Variants in GRIN1 observed in about 807,000 individuals in gnomAD.
The protein encoded by GRIN1 is glutamate ionotropic receptor NMDA type subunit 1.
Under a neutral mutation model 103.0 loss-of-function variants are expected in GRIN1, and 38 were observed. The observed-to-expected ratio is 0.37, with a 90% CI of 0.28 to 0.48. GRIN1 has a LOEUF of 0.48. Among genes scored for constraint, GRIN1 ranks in the 20% least tolerant of loss-of-function variants. GRIN1 has a pLI of 0.98. For synonymous variants in GRIN1, 544 were observed against 532.7 expected (o/e 1.02, Z -0.29); for missense variants, 577 against 1,288.9 (o/e 0.45, Z 8.46).
intron 4 of GRIN1, among the ~76,000 whole-genome samples, chr9:137,153,169 C>T (rs770762658): frequency 6.6e-6 from 1 of 151,914 alleles, no homozygotes; most frequent in Admixed American, 6.6e-5. Context: ...TCATAGATCT[C>T]TACCCACACA....
At position 137,146,015 on chromosome 9, in the gene GRIN1, C is replaced by T. The variant is rs1832510078; in HGVS notation, c.570+113C>T. On this transcript the variant is annotated intron_variant, in intron 3 of 19. Coordinates refer to ENST00000371561, the MANE Select transcript of GRIN1 (RefSeq NM_007327.4). The surrounding 1 kb of genome is among the most constrained non-coding windows in gnomAD (Gnocchi z 6.7). ...TCTTCTTTCCATCGTGCATGGTCAG[C>T]ACCACCACGTCTGGCGAGCGCCCGC... 1.3e-6 allele frequency: 1 copy of T among 790,154 alleles called. No homozygotes were observed. The highest frequency in any genetic ancestry group is 2.3e-5 in the Admixed American group (1 of 44,162). 48.9% of individuals were successfully genotyped at this position (790,154 alleles called of 1,614,324 possible).
At chr9:137,152,299 A>G (rs553324504) in intron 4 of GRIN1, among the ~76,000 whole-genome samples, 19 of 152,344 alleles carry the variant, frequency 1.2e-4, no homozygotes, top group Admixed American at 8.5e-4. Flanking sequence ...ATGGGATAAA[A>G]GGATGGATGG....
intron 4 of GRIN1, 62 bp downstream of exon 4, chr9:137,149,171 A>G: frequency 8.9e-7 from 1 of 1,127,084 alleles, no homozygotes; most frequent in Non-Finnish European, 1.3e-6. Flanking sequence ...AGTACCCGCC[A>G]TCTGAGCCAG....
chr9:137,163,553 C>G lies in GRIN1; in HGVS notation c.2334-6C>G. The stretch of plus-strand genomic sequence containing the variant: ...TCACTGCAGGCTCACTTGTTCCCAC[C>G]GCCAGGTCCCACGAGAATGGCTTCA... On this transcript the variant is annotated splice_polypyrimidine_tract_variant and splice_region_variant and intron_variant, in intron 16 of 19. Coordinates refer to ENST00000371561, the MANE Select transcript of GRIN1 (RefSeq NM_007327.4). The G allele has an allele frequency of 1.9e-6, 3 of 1,601,156 alleles. No individual in the cohort carries two copies. The highest frequency in any genetic ancestry group is 1.3e-5 in the African/African-American group (1 of 74,824).
intron 4 of GRIN1, among the ~76,000 whole-genome samples, chr9:137,151,337 C>T (rs919948917): frequency 3.3e-5 from 5 of 150,004 alleles, no homozygotes; most frequent in Non-Finnish European, 5.9e-5. Flanking sequence ...GGGAAAGCTC[C>T]GCCCAGGGAA....
At chr9:137,158,778 A>G in intron 8 of GRIN1, 74 bp downstream of exon 8, 1 of 1,145,264 alleles carries the variant, frequency 8.7e-7, no homozygotes, top group Non-Finnish European at 1.3e-6. Flanking sequence ...CTGAAGGAGG[A>G]GGGTGCGGTG....
rs376580552 is a variant in GRIN1 at position 137,145,706 on chromosome 9, C to A, written c.394-20C>A. On this transcript the variant is annotated intron_variant, in intron 2 of 19. Transcript: ENST00000371561. ...TCCCCGCGGGTCCACCTCAGCCCGC[C>A]GTGCCCCCGCCTCCCGCAGAGCATC... 7 of 1,608,510 alleles carry A rather than the reference C, an allele frequency of 4.4e-6. No individual in the cohort carries two copies. The African/African-American group carries it at 8.0e-5, about 18-fold the overall frequency.
At chr9:137,153,292 TACAC>T (rs1442357404) in intron 4 of GRIN1, among the ~76,000 whole-genome samples, 1 of 147,404 alleles carries the variant, frequency 6.8e-6, no homozygotes, top group Admixed American at 6.8e-5. Context: ...CAAATGTATG[TACAC>T]ACACCATAGT....
At chr9:137,149,218 C>T in intron 4 of GRIN1, 109 bp downstream of exon 4, 3 of 799,108 alleles carry the variant, frequency 3.8e-6, no homozygotes, top group Non-Finnish European at 4.3e-6. Flanking sequence ...CCTTCAGCTT[C>T]CAAAGCACCT....
Position 137,161,339 on chromosome 9 carries a change from A to G in GRIN1, c.1390A>G (p.Ile464Val). ...CCYGFCIDLL[I>V]KLARTMNFTY... is the part of the protein sequence containing the mutation. ...CTACGGCTTTTGCATCGACCTGCTC[A>G]TCAAGCTGGCACGGACCATGAACTT... Residue 464 changes from isoleucine (I) to valine (V), a missense_variant, in exon 10 of 20, where the codon ATC becomes GTC. Coordinates refer to ENST00000371561, the MANE Select transcript of GRIN1 (RefSeq NM_007327.4). The G allele has an allele frequency of 6.2e-7, 1 of 1,612,724 alleles. No individual in the cohort carries two copies. The highest frequency in any genetic ancestry group is 2.2e-5 in the East Asian group (1 of 44,862).
At position 137,146,500 on chromosome 9, in the gene GRIN1, C is replaced by T. The variant is rs1305677552; in HGVS notation, c.570+598C>T. 6.6e-6 allele frequency among the ~76,000 whole-genome samples: 1 copy of T among 152,202 alleles called. No homozygotes were observed. Among genetic ancestry groups the T allele is most frequent in the Non-Finnish European group, 1.5e-5 (1 of 68,024 alleles). On this transcript the variant is annotated intron_variant, in intron 3 of 19. Coordinates refer to ENST00000371561, the MANE Select transcript of GRIN1 (RefSeq NM_007327.4). The surrounding 1 kb of genome is among the most constrained non-coding windows in gnomAD (Gnocchi z 6.7). Reference sequence around the variant, plus strand: ...CCCCCACCACAGGGCTCCCTCTGCACTCCTCACCAAGACCCATTAGCCACC... The same window carrying T: ...CCCCCACCACAGGGCTCCCTCTGCATTCCTCACCAAGACCCATTAGCCACC...
At chr9:137,155,576 C>G (rs933232577) in intron 4 of GRIN1, among the ~76,000 whole-genome samples, 1 of 149,884 alleles carries the variant, frequency 6.7e-6, no homozygotes. Context: ...CCACCCAACC[C>G]TGCTGCCCAT....
At chr9:137,153,603 A>G (rs1203082841) in intron 4 of GRIN1, among the ~76,000 whole-genome samples, 1 of 152,168 alleles carries the variant, frequency 6.6e-6, no homozygotes, top group Non-Finnish European at 1.5e-5. Context: ...AGGCACACAC[A>G]CCACCATATA....
Position 137,158,437 on chromosome 9 carries a change from G to T in GRIN1, c.1027G>T (p.Asp343Tyr), listed in dbSNP as rs767760731. The change falls in exon 7 of 20, where the codon GAT becomes TAT. Residue 343 changes from aspartate to tyrosine, a missense_variant. This residue lies in a region of GRIN1 where 308 missense variants were observed against 553.6 expected (regional missense o/e 0.56). Transcript: ENST00000371561. ...GVTGRVEFNE[D>Y]GDRKFANYSI... Reference sequence around the variant, plus strand: ...GACTGGTCGCGTGGAGTTCAATGAGGATGGGGACCGGAAGTTCGCCAACTA... The same window carrying T: ...GACTGGTCGCGTGGAGTTCAATGAGTATGGGGACCGGAAGTTCGCCAACTA... The T allele has an allele frequency of 6.2e-7, 1 of 1,613,624 alleles. No individual in the cohort carries two copies.
intron 15 of GRIN1, 60 bp from the exon 16 acceptor site, chr9:137,163,109 G>A (rs1833650376): frequency 2.5e-6 from 4 of 1,596,738 alleles, no homozygotes; most frequent in Non-Finnish European, 2.6e-6. Flanking sequence ...CGGAGGGCGC[G>A]GGCGTGGGGC....
In GRIN1 at chr9:137,146,684, C is replaced by A. The variant is rs1001183998; in HGVS notation, c.570+782C>A. Reference sequence around the variant, plus strand: ...GGCAGAGCTGGTTCTCGGCTACAGACCCCCGGAGCCCTGGGTGCTCAGCAC... The same window carrying A: ...GGCAGAGCTGGTTCTCGGCTACAGAACCCCGGAGCCCTGGGTGCTCAGCAC... On this transcript the variant is annotated intron_variant, in intron 3 of 19. Coordinates refer to ENST00000371561, the MANE Select transcript of GRIN1 (RefSeq NM_007327.4). This position sits in a 1 kb window ranked among gnomAD's most constrained non-coding sequence, Gnocchi z 6.7. Among the ~76,000 whole-genome samples, 2 of 152,140 alleles carry A rather than the reference C, an allele frequency of 1.3e-5. No individual in the cohort carries two copies. Among genetic ancestry groups the A allele is most frequent in the Non-Finnish European group, 2.9e-5 (2 of 68,020 alleles).
intron 19 of GRIN1, 130 bp downstream of exon 19, chr9:137,165,426 G>C: frequency 1.4e-6 from 1 of 715,734 alleles, no homozygotes. Context: ...CCCTGTGGCG[G>C]CCGCTCTGCC....
Position 137,141,967 on chromosome 9 carries a change from C to G in GRIN1, c.259-46C>G, listed in dbSNP as rs749941999. ...CAGATCTCAGCCTCTAACCCAGTGC[C>G]TGGCTCACCCCTGACTCAAGCTGAT... On this transcript the variant is annotated intron_variant, in intron 1 of 19. Transcript: ENST00000371561. 11 of 1,612,138 alleles carry G rather than the reference C, an allele frequency of 6.8e-6. No individual in the cohort carries two copies. The South Asian group carries it at 1.1e-4, about 16-fold the overall frequency.
chr9:137,147,935 G>A (rs903814230), intron 3 of GRIN1, among the ~76,000 whole-genome samples: 4 of 152,118 alleles, frequency 2.6e-5, no homozygotes, highest in African/African-American at 9.7e-5. Context: ...ACAGCTTCGT[G>A]GCAGGGAGCC....
Sources: gnomAD v4.1 joint callset for allele counts (sites outside exome capture counted in the v4.1 genomes callset) on GRCh38, gnomAD v4.1.1 for gene constraint, gnomAD v4.1.1 regional missense constraint, Gnocchi (gnomAD v3.1) non-coding constraint, MANE v1.5 for transcripts, NCBI Gene and HGNC (gene_info 2026-07-23, HGNC 2026-07-21) for gene names.